IQSEC1: variants seen among roughly 807,000 people sequenced by gnomAD.
IQSEC1 encodes IQ motif and Sec7 domain ArfGEF 1.
IQSEC1 carries 31 observed loss-of-function variants against 91.0 expected under a neutral mutation model. That is an observed-to-expected ratio of 0.34 (90% CI 0.26 to 0.46). The LOEUF (loss-of-function observed/expected upper bound fraction) is 0.46. Among genes scored for constraint, IQSEC1 ranks in the 20% least tolerant of loss-of-function variants. IQSEC1 has a pLI of 1.00. For missense variants in IQSEC1, 1,388 were observed against 1,575.6 expected (o/e 0.88, Z 2.02); for synonymous variants, 699 against 662.6 (o/e 1.05, Z -0.84).
chr3:13,205,362 C>T (rs571007779), intron 1 of IQSEC1, among the ~76,000 whole-genome samples: 5 of 152,204 alleles, frequency 3.3e-5, no homozygotes, highest in East Asian at 1.9e-4. Context: ...GGACTGTAAA[C>T]GCCCACCTGT....
chr3:13,249,763 G>A (rs1053508778), intron 1 of IQSEC1, among the ~76,000 whole-genome samples: 1 of 152,220 alleles, frequency 6.6e-6, no homozygotes, highest in African/African-American at 2.4e-5. Flanking sequence ...CACAAGCACA[G>A]GAGCAGACTC....
At chr3:12,912,670 CAAAAAAAAAAAAA>C (rs561314162) in intron 9 of IQSEC1, among the ~76,000 whole-genome samples, 5 of 54,026 alleles carry the variant, frequency 9.3e-5, no homozygotes, top group Non-Finnish European at 1.9e-4. Context: ...GACTCCGTCT[CAAAAAAAAAAAAA>C]AAAAAAAAAA....
chr3:13,229,746 C>A (rs1241363252), intron 1 of IQSEC1, among the ~76,000 whole-genome samples: 1 of 152,206 alleles, frequency 6.6e-6, no homozygotes, highest in Non-Finnish European at 1.5e-5. Flanking sequence ...ATGCTTATCC[C>A]CAGGTCCATC....
At chr3:13,244,410 A>G (rs1193293930) in intron 1 of IQSEC1, among the ~76,000 whole-genome samples, 1 of 152,220 alleles carries the variant, frequency 6.6e-6, no homozygotes, top group Non-Finnish European at 1.5e-5. Context: ...AATTACAACA[A>G]TTACACACCA....
chr3:13,247,786 C>A (rs1174611381), intron 1 of IQSEC1, among the ~76,000 whole-genome samples: 1 of 152,102 alleles, frequency 6.6e-6, no homozygotes, highest in African/African-American at 2.4e-5. Flanking sequence ...CACCCCCCAG[C>A]CACCTCCCAG....
At chr3:13,107,565 C>T (rs1287688939) in intron 2 of IQSEC1, among the ~76,000 whole-genome samples, 2 of 152,238 alleles carry the variant, frequency 1.3e-5, no homozygotes, top group Non-Finnish European at 2.9e-5. Flanking sequence ...TCAACCAAGG[C>T]TGGTTTCATC....
At chr3:13,145,813 G>C (rs976722991) in intron 2 of IQSEC1, among the ~76,000 whole-genome samples, 1 of 132,678 alleles carries the variant, frequency 7.5e-6, no homozygotes, top group Non-Finnish European at 1.6e-5. Flanking sequence ...GCGGGGGGGG[G>C]GGGTCCTGAT....
At chr3:13,150,764 C>T (rs956878965) in intron 2 of IQSEC1, among the ~76,000 whole-genome samples, 12 of 152,228 alleles carry the variant, frequency 7.9e-5, no homozygotes, top group African/African-American at 2.9e-4. Context: ...AGTTGTGGTC[C>T]CTGGCACAGC....
In IQSEC1 at chr3:12,900,442, A is replaced by C. The variant is rs1258617359; in HGVS notation, c.*541T>G. On this transcript the variant is annotated 3_prime_UTR_variant, in exon 14 of 14. Coordinates refer to ENST00000613206, the MANE Select transcript of IQSEC1 (RefSeq NM_001134382.3). ...CGCCTGCCTTTCACACACAAGTACT[A>C]CCTATACAGTATATATATATATATA... is the stretch of plus-strand genomic sequence containing the variant. The C allele has an allele frequency of 1.2e-6, 1 of 830,894 alleles. No homozygotes were observed. Among genetic ancestry groups the C allele is most frequent in the African/African-American group, 1.9e-5 (1 of 53,746 alleles). The allele number at this position is 830,894 out of a possible 1,614,324, so 51.5% of individuals were successfully genotyped here.
chr3:13,157,628 TC>T (rs1251915204), intron 2 of IQSEC1, among the ~76,000 whole-genome samples: 1 of 152,068 alleles, frequency 6.6e-6, no homozygotes, highest in African/African-American at 2.4e-5. Flanking sequence ...CCAAGAAATC[TC>T]AATCATAAAC....
chr3:13,044,750 C>T (rs370275335), intron 1 of IQSEC1, among the ~76,000 whole-genome samples: 6 of 152,204 alleles, frequency 3.9e-5, no homozygotes, highest in Admixed American at 6.5e-5. Context: ...CAGAGGAAGC[C>T]GGCTGTGCCT....
At chr3:12,902,900 GC>G in intron 12 of IQSEC1, 78 bp from the exon 13 acceptor site, 1 of 1,076,802 alleles carries the variant, frequency 9.3e-7, no homozygotes, top group Non-Finnish European at 1.4e-6. Context: ...CCACGCTGCT[GC>G]CACGGAGCCT....
intron 1 of IQSEC1, among the ~76,000 whole-genome samples, chr3:13,235,809 G>A (rs914033220): frequency 7.9e-5 from 12 of 152,276 alleles, no homozygotes; most frequent in East Asian, 1.9e-4. Context: ...AGGGCAACAC[G>A]GAACCAATGC....
intron 1 of IQSEC1, among the ~76,000 whole-genome samples, chr3:12,976,978 C>T (rs1184033254): frequency 1.3e-5 from 2 of 152,142 alleles, no homozygotes; most frequent in African/African-American, 4.8e-5. Flanking sequence ...CACTGATTCT[C>T]ATCTCTAGTG....
intron 1 of IQSEC1, among the ~76,000 whole-genome samples, chr3:13,248,593 A>G (rs1478097868): frequency 6.6e-6 from 1 of 152,220 alleles, no homozygotes; most frequent in African/African-American, 2.4e-5. Context: ...CCACTCATGC[A>G]GTCCTGCTCC....
intron 3 of IQSEC1, among the ~76,000 whole-genome samples, chr3:12,925,894 G>A (rs748475357): frequency 7.9e-5 from 12 of 152,242 alleles, no homozygotes; most frequent in Non-Finnish European, 1.0e-4. Flanking sequence ...GCCCTGCCCC[G>A]CTGTGGCACT....
intron 2 of IQSEC1, among the ~76,000 whole-genome samples, chr3:13,109,884 C>CT (rs34511430): frequency 0.14 from 17,343 of 123,228 alleles, 1,577 homozygotes; most frequent in East Asian, 0.32. Flanking sequence ...GGGATAAATT[C>CT]TTTTTTTTTT....
intron 1 of IQSEC1, among the ~76,000 whole-genome samples, chr3:13,235,305 T>C (rs1318958261): frequency 6.6e-6 from 1 of 152,124 alleles, no homozygotes; most frequent in Non-Finnish European, 1.5e-5. Context: ...CGCTGGGGTC[T>C]GAGAGGTGTG....
chr3:13,006,661 C>G (rs571987184), intron 1 of IQSEC1, among the ~76,000 whole-genome samples: 2 of 152,250 alleles, frequency 1.3e-5, no homozygotes, highest in African/African-American at 4.8e-5. Context: ...CTGAAACACA[C>G]GCGCACACAG....
Sources: allele counts gnomAD v4.1 joint callset (sites outside exome capture counted in the v4.1 genomes callset), GRCh38; gene constraint gnomAD v4.1.1; transcripts MANE v1.5; gene names NCBI Gene and HGNC (gene_info 2026-07-23, HGNC 2026-07-21).